Variants in AFG2A observed in about 807,000 individuals in gnomAD.
The protein encoded by AFG2A is AAA ATPase AFG2A.
At chr4:123,085,906 A>G in the AFG2A span, among the ~76,000 whole-genome samples, 2 of 151,660 alleles carry the variant, frequency 1.3e-5, no homozygotes, top group Non-Finnish European at 2.9e-5. Context: ...AAGTTTTGCA[A>G]TATATTTCTA....
At chr4:123,264,576 T>C in the AFG2A span, among the ~76,000 whole-genome samples, 1 of 152,162 alleles carries the variant, frequency 6.6e-6, no homozygotes. Context: ...AAATGAATTA[T>C]GAAGGGATCT....
the AFG2A span, among the ~76,000 whole-genome samples, chr4:123,128,308 T>G: frequency 1.3e-5 from 2 of 152,216 alleles, no homozygotes; most frequent in Non-Finnish European, 2.9e-5. Context: ...GAAAGAAGTA[T>G]CTCCCTGGTA....
the AFG2A span, among the ~76,000 whole-genome samples, chr4:123,044,770 AT>A: frequency 1.9e-4 from 28 of 151,042 alleles, no homozygotes; most frequent in South Asian, 4.2e-4. Context: ...TGAGGATGTC[AT>A]TTTTTTTTTT....
chr4:123,076,824 T>C, the AFG2A span, among the ~76,000 whole-genome samples: 7 of 152,106 alleles, frequency 4.6e-5, no homozygotes, highest in East Asian at 1.9e-4. Context: ...CTATCTACTA[T>C]CTACTGAGCT....
the AFG2A span, among the ~76,000 whole-genome samples, chr4:123,054,484 C>T: frequency 8.6e-5 from 13 of 151,534 alleles, no homozygotes; most frequent in African/African-American, 2.4e-4. Context: ...TTTGGGAGGC[C>T]GAGGCAGGCA....
the AFG2A span, among the ~76,000 whole-genome samples, chr4:123,077,616 G>A: frequency 5.9e-5 from 9 of 152,136 alleles, no homozygotes; most frequent in Non-Finnish European, 1.0e-4. Context: ...TGGGCCATAT[G>A]GATATCTGCA....
At chr4:123,067,444 G>A in the AFG2A span, among the ~76,000 whole-genome samples, 2 of 152,044 alleles carry the variant, frequency 1.3e-5, no homozygotes, top group Non-Finnish European at 2.9e-5. Flanking sequence ...TTGAACCCGG[G>A]AGGTGTAGGT....
chr4:123,184,102 T>C, the AFG2A span, among the ~76,000 whole-genome samples: 4 of 152,130 alleles, frequency 2.6e-5, no homozygotes, highest in Admixed American at 2.6e-4. Context: ...GGCCCCGACC[T>C]GATTTTTTTT....
the AFG2A span, among the ~76,000 whole-genome samples, chr4:123,080,029 A>G: frequency 6.6e-6 from 1 of 152,036 alleles, no homozygotes; most frequent in African/African-American, 2.4e-5. Context: ...GATTACATGC[A>G]TGAGCCACCG....
the AFG2A span, among the ~76,000 whole-genome samples, chr4:123,088,875 G>A: frequency 6.6e-6 from 1 of 152,138 alleles, no homozygotes; most frequent in Non-Finnish European, 1.5e-5. Flanking sequence ...CCCAGTCTCA[G>A]TAGTTCTTTA....
chr4:123,196,050 G>A, the AFG2A span, among the ~76,000 whole-genome samples: 1 of 151,070 alleles, frequency 6.6e-6, no homozygotes, highest in South Asian at 2.1e-4. Flanking sequence ...ACCCAGGCTG[G>A]AGTGCAGTGG....
the AFG2A span, among the ~76,000 whole-genome samples, chr4:123,303,410 A>G: frequency 6.6e-6 from 1 of 152,224 alleles, no homozygotes; most frequent in Non-Finnish European, 1.5e-5. Context: ...TTCACCATGC[A>G]AGTTTATAAT....
At chr4:123,256,951 C>A in the AFG2A span, 1 of 595,702 alleles carries the variant, frequency 1.7e-6, no homozygotes, top group Non-Finnish European at 2.1e-6. Context: ...GCATCTGTCA[C>A]ACCAATGATG....
At chr4:122,994,123 CTAT>C in the AFG2A span, among the ~76,000 whole-genome samples, 47 of 152,072 alleles carry the variant, frequency 3.1e-4, no homozygotes, top group South Asian at 2.1e-3. Context: ...GTACAATAGT[CTAT>C]TATTAACCTC....
the AFG2A span, among the ~76,000 whole-genome samples, chr4:123,133,456 A>G: frequency 6.6e-6 from 1 of 150,692 alleles, no homozygotes; most frequent in South Asian, 2.1e-4. Context: ...TCCTTCATAC[A>G]GTGTCTGTTA....
the AFG2A span, among the ~76,000 whole-genome samples, chr4:123,270,461 A>G: frequency 6.6e-6 from 1 of 152,208 alleles, no homozygotes; most frequent in Non-Finnish European, 1.5e-5. Flanking sequence ...AATGTTTAAT[A>G]TTGATTTGCA....
chr4:122,937,611 A>C, the AFG2A span, among the ~76,000 whole-genome samples: 1 of 152,132 alleles, frequency 6.6e-6, no homozygotes, highest in African/African-American at 2.4e-5. Context: ...GGTACACCTT[A>C]TTGTTTAGTA....
the AFG2A span, among the ~76,000 whole-genome samples, chr4:123,198,399 A>G: frequency 1.3e-5 from 2 of 152,254 alleles, no homozygotes; most frequent in African/African-American, 4.8e-5. Context: ...ACACACTGGC[A>G]CACAAATTCG....
chr4:123,091,396 A>G, the AFG2A span, among the ~76,000 whole-genome samples: 1 of 152,236 alleles, frequency 6.6e-6, no homozygotes, highest in South Asian at 2.1e-4. Context: ...ACTCTTCAAT[A>G]TCTACTCCCC....
Sources: allele counts gnomAD v4.1 joint callset (sites outside exome capture counted in the v4.1 genomes callset), GRCh38; gene constraint gnomAD v4.1.1; transcripts MANE v1.5; gene names NCBI Gene and HGNC (gene_info 2026-07-23, HGNC 2026-07-21).